The following TTF2 variants were observed in gnomAD, a reference collection of about 807,000 sequenced individuals.
The protein encoded by TTF2 is RNA polymerase II termination factor.
A neutral mutation model predicts 142.4 loss-of-function variants in TTF2; 108 were observed. The ratio of observed to expected loss-of-function variants is 0.76; its 90% confidence interval spans 0.65 to 0.89. The LOEUF is 0.89. Among genes scored for constraint, TTF2 ranks in the 40% least tolerant of loss-of-function variants. The pLI, the probability that TTF2 is intolerant of heterozygous loss-of-function variation, is 0.00. For synonymous variants in TTF2, 483 were observed against 506.2 expected, an observed-to-expected ratio of 0.95 and a Z score of 0.61; for missense variants, 1,327 against 1,379.8, an observed-to-expected ratio of 0.96 and a Z score of 0.61.
rs1475651024 is a variant in TTF2 at position 117,091,912 on chromosome 1, CT to C, written c.2768del (p.Leu923ProfsTer11). ...TVHILSQLLR[L>X]RQCCCHLSLL... ...CCACATACTGTCCCAGTTGCTGAGA[CT>C]CCGCCAGTGTTGCTGTCATCTTTCT... On this transcript the variant is annotated frameshift_variant, in exon 17 of 23. Coordinates refer to ENST00000369466, the MANE Select transcript of TTF2 (RefSeq NM_003594.4). LOFTEE classifies it high-confidence loss of function. 6.2e-7 allele frequency: 1 copy of C among 1,613,244 alleles called. No homozygotes were observed. Among genetic ancestry groups the C allele is most frequent in the African/African-American group, 1.3e-5 (1 of 74,828 alleles).
At chr1:117,066,435 A>C (rs1223169800) in intron 3 of TTF2, among the ~76,000 whole-genome samples, 1 of 152,130 alleles carries the variant, frequency 6.6e-6, no homozygotes, top group Non-Finnish European at 1.5e-5. Flanking sequence ...AGGGCATATA[A>C]ACGTGTTCCT....
chr1:117,077,240 G>A (rs1657089888), intron 7 of TTF2, among the ~76,000 whole-genome samples: 1 of 152,152 alleles, frequency 6.6e-6, no homozygotes, highest in Admixed American at 6.6e-5. Flanking sequence ...GTGCCCACAT[G>A]AGGGGAGAAG....
In TTF2 at chr1:117,075,747, A is replaced by C; in HGVS notation, c.1163A>C (p.Asp388Ala). The stretch of plus-strand genomic sequence containing the variant: ...ACGAAGGAAAACCTCCAATTCCCTG[A>C]TCGAAGTGTGCAAAGAAAGGTGTCT... ...LETKENLQFPDRSVQRKVSPA... is the reference protein window; with the variant it reads ...LETKENLQFPARSVQRKVSPA... The change falls in exon 5 of 23, where the codon GAT becomes GCT. Residue 388 changes from aspartate (D) to alanine (A), a missense_variant. Physicochemically the swap from Asp to Ala is moderately radical, Grantham distance 126. Transcript: ENST00000369466. This position sits in a 1 kb window ranked among gnomAD's most constrained non-coding sequence, Gnocchi z 4.5. The C allele has an allele frequency of 6.2e-7, 1 of 1,614,228 alleles. No individual in the cohort carries two copies. Among genetic ancestry groups the C allele is most frequent in the Non-Finnish European group, 8.5e-7 (1 of 1,180,038 alleles).
intron 4 of TTF2, 89 bp from the exon 5 acceptor site, chr1:117,074,780 TA>T: frequency 1.6e-6 from 2 of 1,257,396 alleles, no homozygotes; most frequent in African/African-American, 1.5e-5. Context: ...CCCCTGTATA[TA>T]AAATAAAAGT....
rs1649288321 is a variant in TTF2 at position 117,097,818 on chromosome 1, A to G, written c.3269+385A>G. Among the ~76,000 whole-genome samples the G allele has an allele frequency of 6.6e-6, 1 of 152,216 alleles. No individual in the cohort carries two copies. The highest frequency in any genetic ancestry group is 2.4e-5 in the African/African-American group (1 of 41,452). Reference sequence around the variant, plus strand: ...CAAGGAAATTTCAACCTTTGAAAAGAGGGAGAAGCATTACTCCAAAAAGAA... The same window carrying G: ...CAAGGAAATTTCAACCTTTGAAAAGGGGGAGAAGCATTACTCCAAAAAGAA... On this transcript the variant is annotated intron_variant, in intron 21 of 22. Transcript: ENST00000369466. This position sits in a 1 kb window ranked among gnomAD's most constrained non-coding sequence, Gnocchi z 4.1.
rs146105449 is a variant in TTF2, at chr1:117,090,957, A to G, written c.2588+334A>G. ...CTCTTTGACATTTGACCTGTCATCC[A>G]GCATCTCACCGGAACTTTAAGAAGA... On this transcript the variant is annotated intron_variant, in intron 15 of 22. Coordinates refer to ENST00000369466, the MANE Select transcript of TTF2 (RefSeq NM_003594.4). This position sits in a 1 kb window ranked among gnomAD's most constrained non-coding sequence, Gnocchi z 4.8. Among the ~76,000 whole-genome samples the G allele has an allele frequency of 2.9e-3, 444 of 152,266 alleles. 2 individuals are homozygous for G. The highest frequency in any genetic ancestry group is 1.0e-2 in the African/African-American group (415 of 41,538).
chr1:117,098,899 C>G lies in TTF2; in HGVS notation c.3336C>G (p.Val1112=), dbSNP rs776200480. 1.9e-5 allele frequency: 30 copies of G among 1,612,668 alleles called. No individual in the cohort carries two copies. The highest frequency in any genetic ancestry group is 1.5e-4 in the Admixed American group (9 of 59,816). ...GAGTAGGGCAGCAGAAAGATGTTGT[C>G]ATACACAGGTAAGTAATGGTCCCCA... ...IYRVGQQKDV[V]IHRFVCEGTV... is the part of the protein sequence containing the mutation. Residue 1112 remains valine (V), a synonymous_variant, in exon 22 of 23, where the codon GTC becomes GTG. Coordinates refer to ENST00000369466, the MANE Select transcript of TTF2 (RefSeq NM_003594.4).
At position 117,073,644 on chromosome 1, in the gene TTF2, G is replaced by A. The variant is rs754570436; in HGVS notation, c.219-17G>A. ...GATTTTCATAGCCTTGATTATTTGT[G>A]TTTTATACTTCATTAGATTGTTCTT... On this transcript the variant is annotated splice_polypyrimidine_tract_variant and intron_variant, in intron 3 of 22. Coordinates refer to ENST00000369466, the MANE Select transcript of TTF2 (RefSeq NM_003594.4). This position sits in a 1 kb window ranked among gnomAD's most constrained non-coding sequence, Gnocchi z 4.4. 4 of 1,598,002 alleles carry A rather than the reference G, an allele frequency of 2.5e-6. No homozygotes were observed. The highest frequency in any genetic ancestry group is 1.1e-5 in the South Asian group (1 of 89,270).
chr1:117,099,042 T>A lies in TTF2; in HGVS notation c.3344+135T>A. 2 of 759,000 alleles carry A rather than the reference T, an allele frequency of 2.6e-6. No homozygotes were observed. Among genetic ancestry groups the A allele is most frequent in the Non-Finnish European group, 3.9e-6 (2 of 513,576 alleles). 47.0% of individuals were successfully genotyped at this position (759,000 alleles called of 1,614,324 possible). ...ACTGATGATGCCCCTGAGGCATACCTTCAGGCAAACCACAGTCAGGAGAAA... is the reference window on the plus strand; with the variant it reads ...ACTGATGATGCCCCTGAGGCATACCATCAGGCAAACCACAGTCAGGAGAAA... On this transcript the variant is annotated intron_variant, in intron 22 of 22. Transcript: ENST00000369466. The surrounding 1 kb of genome is among the most constrained non-coding windows in gnomAD (Gnocchi z 4.3).
chr1:117,072,136 CTGGATAGCTGGAGTA>C (rs1656627399), intron 3 of TTF2, among the ~76,000 whole-genome samples: 1 of 152,136 alleles, frequency 6.6e-6, no homozygotes, highest in African/African-American at 2.4e-5. Context: ...TTAGACACCT[CTGGATAGCTGGAGTA>C]TGGGCTGTGT....
At position 117,090,422 on chromosome 1, in the gene TTF2, A is replaced by G. The variant is rs1406293515; in HGVS notation, c.2497-110A>G. The G allele has an allele frequency of 1.7e-6, 2 of 1,185,118 alleles. No individual in the cohort carries two copies. Among genetic ancestry groups the G allele is most frequent in the African/African-American group, 3.1e-5 (2 of 64,704 alleles). 73.4% of individuals were successfully genotyped at this position (1,185,118 alleles called of 1,614,324 possible). A position where few individuals can be genotyped will look rare whatever the true frequency, so the allele number is the denominator to read the frequency against. On this transcript the variant is annotated intron_variant, in intron 14 of 22. Coordinates refer to ENST00000369466, the MANE Select transcript of TTF2 (RefSeq NM_003594.4). This position sits in a 1 kb window ranked among gnomAD's most constrained non-coding sequence, Gnocchi z 4.8. ...AGTCCTGTGTCTAAGAAAGGGTGGA[A>G]GCTGCATTCCAGGGTTGACTAGATA...
chr1:117,078,077 A>C, intron 8 of TTF2, 34 bp downstream of exon 8: 1 of 1,600,480 alleles, frequency 6.2e-7, no homozygotes, highest in Non-Finnish European at 8.5e-7. Context: ...GTAGTCCTCT[A>C]TGACAGTGCT....
intron 18 of TTF2, chr1:117,094,833 A>G (rs559882277): frequency 2.8e-5 from 10 of 357,484 alleles, no homozygotes; most frequent in South Asian, 1.9e-4. Context: ...GTGCTATGAT[A>G]GTACTTGGGC....
chr1:117,086,418 C>G lies in TTF2; in HGVS notation c.2056C>G (p.Leu686Val), dbSNP rs182228775. The stretch of plus-strand genomic sequence containing the variant: ...GATTTCTTTGTTATGTCTACGCAGC[C>G]TCTCTACATATGACATCGTGATCAC... Reference protein sequence around the residue: ...GPNRDSRARVLSTYDIVITTY... With the variant: ...GPNRDSRARVVSTYDIVITTY... Residue 686 changes from leucine (L) to valine (V), a missense_variant and splice_region_variant, in exon 12 of 23, where the codon CTC (leucine) becomes GTC (valine). Leu to Val is a conservative substitution (Grantham distance 32, BLOSUM62 1). Coordinates refer to ENST00000369466, the MANE Select transcript of TTF2 (RefSeq NM_003594.4). This position sits in a 1 kb window ranked among gnomAD's most constrained non-coding sequence, Gnocchi z 4.2. 3 of 1,611,238 alleles carry G rather than the reference C, an allele frequency of 1.9e-6. No individual in the cohort carries two copies. The highest frequency in any genetic ancestry group is 3.3e-5 in the Admixed American group (2 of 60,012).
In TTF2 at chr1:117,073,825, C is replaced by A; in HGVS notation, c.285+98C>A. On this transcript the variant is annotated intron_variant, in intron 4 of 22. Coordinates refer to ENST00000369466, the MANE Select transcript of TTF2 (RefSeq NM_003594.4). The surrounding 1 kb of genome is among the most constrained non-coding windows in gnomAD (Gnocchi z 4.4). ...TTGAAGTTCACGTAAATGAGTTGGT[C>A]TTCATCAGACTGTCTCCGAAAGATA... 9.2e-7 allele frequency: 1 copy of A among 1,088,094 alleles called. No homozygotes were observed. Among genetic ancestry groups the A allele is most frequent in the Non-Finnish European group, 1.3e-6 (1 of 750,834 alleles). 67.4% of individuals were successfully genotyped at this position (1,088,094 alleles called of 1,614,324 possible).
Position 117,075,874 on chromosome 1 carries a change from G to A in TTF2, c.1275+15G>A, listed in dbSNP as rs373426582. 1.7e-5 allele frequency: 27 copies of A among 1,587,040 alleles called. 1 individual carries two copies. In the African/African-American group the frequency reaches 2.7e-4, roughly 16 times the overall value. On this transcript the variant is annotated intron_variant, in intron 5 of 22. Transcript: ENST00000369466. This position sits in a 1 kb window ranked among gnomAD's most constrained non-coding sequence, Gnocchi z 4.5. ...AACAAAAGAAGGTAACTATTGACTC[G>A]TGTTTTGTTTCTGAGGTCAGAGCAT...
rs1232788855 is a variant in TTF2 at position 117,075,684 on chromosome 1, G to A, written c.1100G>A (p.Gly367Glu). ...DDVVFVSSKP[G>E]SPLLFDSTLD... ...GTTGTTTTTGTTTCCTCTAAGCCTGGGAGCCCCCTACTCTTTGACTCGACT... is the reference window on the plus strand; with the variant it reads ...GTTGTTTTTGTTTCCTCTAAGCCTGAGAGCCCCCTACTCTTTGACTCGACT... The change falls in exon 5 of 23, where the codon GGG becomes GAG. Residue 367 changes from glycine (G) to glutamate (E), a missense_variant. Transcript: ENST00000369466. This position sits in a 1 kb window ranked among gnomAD's most constrained non-coding sequence, Gnocchi z 4.5. 1 of 1,614,084 alleles carries A rather than the reference G, an allele frequency of 6.2e-7. No individual in the cohort carries two copies. Among genetic ancestry groups the A allele is most frequent in the Non-Finnish European group, 8.5e-7 (1 of 1,180,004 alleles).
chr1:117,094,251 T>G (rs1648886777), intron 18 of TTF2, among the ~76,000 whole-genome samples: 1 of 152,178 alleles, frequency 6.6e-6, no homozygotes, highest in African/African-American at 2.4e-5. Flanking sequence ...TTCTTTTCAC[T>G]GATGAGGAAT....
chr1:117,061,506 A>G (rs943003375), intron 2 of TTF2, among the ~76,000 whole-genome samples: 1 of 152,244 alleles, frequency 6.6e-6, no homozygotes, highest in Non-Finnish European at 1.5e-5. Flanking sequence ...TGTAGAGTAC[A>G]TAATGGATAT....
Sources: allele counts gnomAD v4.1 joint callset (sites outside exome capture counted in the v4.1 genomes callset), GRCh38; gene constraint gnomAD v4.1.1; non-coding constraint Gnocchi (gnomAD v3.1); transcripts MANE v1.5; gene names NCBI Gene and HGNC (gene_info 2026-07-23, HGNC 2026-07-21).